The following SOX5 variants were observed in gnomAD, a reference collection of about 807,000 sequenced individuals.
The protein encoded by SOX5 is SRY-box transcription factor 5, also known as transcription factor SOX-5.
A neutral mutation model predicts 92.0 loss-of-function variants in SOX5; 9 were observed. The ratio of observed to expected loss-of-function variants is 0.10; its 90% CI spans 0.06 to 0.17. SOX5 has a LOEUF of 0.17. Ranked by LOEUF, SOX5 falls within the 10% of genes least tolerant of loss-of-function variation. The pLI, the probability that SOX5 is intolerant of heterozygous loss-of-function variation, is 1.00. For synonymous variants in SOX5, 344 were observed against 336.3 expected, an observed-to-expected ratio of 1.02 and a Z score of -0.25; for missense variants, 642 against 944.5, an observed-to-expected ratio of 0.68 and a Z score of 4.20.
At chr12:24,235,605 A>T (rs1019366206) in intron 3 of SOX5, among the ~76,000 whole-genome samples, 1 of 152,190 alleles carries the variant, frequency 6.6e-6, no homozygotes, top group Non-Finnish European at 1.5e-5. Flanking sequence ...CATAAATAAG[A>T]CCCAGAGGAA....
At chr12:23,685,772 G>A (rs2087448713) in intron 6 of SOX5, among the ~76,000 whole-genome samples, 1 of 152,050 alleles carries the variant, frequency 6.6e-6, no homozygotes, top group Non-Finnish European at 1.5e-5. Context: ...TGGACCCCAT[G>A]AGGTATTATC....
In SOX5 at chr12:23,533,350, T is replaced by G. The variant is rs1441129802; in HGVS notation, c.*869A>C. The G allele has an allele frequency of 4.0e-6, 1 of 247,346 alleles. No homozygotes were observed. The highest frequency in any genetic ancestry group is 8.5e-6 in the Non-Finnish European group (1 of 117,844). 15.3% of individuals were successfully genotyped at this position (247,346 alleles called of 1,614,324 possible). A position where few individuals can be genotyped will look rare whatever the true frequency, so the allele number is the denominator to read the frequency against. On this transcript the variant is annotated 3_prime_UTR_variant, in exon 15 of 15. Transcript: ENST00000451604. ...TCACCTGAGAACAGCACCTACAGTT[T>G]CCATTAAAAAAAAAAGTCAAATCTC...
At chr12:24,062,469 T>C (rs1324830591) in intron 4 of SOX5, among the ~76,000 whole-genome samples, 4 of 152,218 alleles carry the variant, frequency 2.6e-5, no homozygotes, top group Non-Finnish European at 4.4e-5. Flanking sequence ...TGTTTCTGTG[T>C]GACAGGGACT....
intron 8 of SOX5, among the ~76,000 whole-genome samples, chr12:23,611,924 TAA>T (rs71059910): frequency 1.1e-4 from 15 of 142,550 alleles, no homozygotes; most frequent in African/African-American, 2.8e-4. Context: ...CATTTTAAAT[TAA>T]AAAAAAAAAA....
chr12:24,475,974 C>A lies in SOX5; in HGVS notation c.-251+86355G>T, dbSNP rs79817745. 4.2e-4 allele frequency among the ~76,000 whole-genome samples: 62 copies of A among 148,994 alleles called. 2 individuals carry two copies. The East Asian group carries it at 0.012, about 29-fold the overall frequency. On this transcript the variant is annotated intron_variant, in intron 1 of 4. Transcript: ENST00000446891. The stretch of plus-strand genomic sequence containing the variant: ...TCTAGCCTGGATGACAGAGCAAGAC[C>A]CTGTCTCCGAAATACATTTAAAAAA...
chr12:24,145,746 A>C (rs1444808712), intron 4 of SOX5, among the ~76,000 whole-genome samples: 1 of 152,194 alleles, frequency 6.6e-6, no homozygotes, highest in African/African-American at 2.4e-5. Flanking sequence ...AGTGCAAGCA[A>C]TCTGCCTCCC....
intron 4 of SOX5, among the ~76,000 whole-genome samples, chr12:24,031,300 AAC>A (rs947412653): frequency 2.0e-5 from 3 of 151,982 alleles, no homozygotes; most frequent in African/African-American, 7.2e-5. Flanking sequence ...ATACAGAGTC[AAC>A]CTGTGTCCAG....
chr12:23,731,776 T>C (rs2093403199), intron 6 of SOX5, among the ~76,000 whole-genome samples: 1 of 152,224 alleles, frequency 6.6e-6, no homozygotes, highest in Admixed American at 6.5e-5. Context: ...TGTATTCATA[T>C]ATGAAACAAA....
intron 4 of SOX5, among the ~76,000 whole-genome samples, chr12:24,030,464 A>C (rs907224254): frequency 2.0e-5 from 3 of 151,962 alleles, no homozygotes; most frequent in Non-Finnish European, 4.4e-5. Flanking sequence ...TCTTCAATGA[A>C]TAGCACTGGG....
intron 2 of SOX5, among the ~76,000 whole-genome samples, chr12:24,282,400 A>G (rs1372432603): frequency 6.6e-6 from 1 of 151,046 alleles, no homozygotes; most frequent in Admixed American, 6.6e-5. Context: ...AAATAAATAA[A>G]AATCAATATT....
chr12:23,843,554 C>CTTTTTTTTTTTTT lies in SOX5; in HGVS notation c.481+2416_481+2428dup, dbSNP rs71059931. 8.3e-4 allele frequency among the ~76,000 whole-genome samples: 59 copies of CTTTTTTTTTTTTT among 71,332 alleles called. 19 individuals carry two copies. The East Asian group carries it at 0.018, about 22-fold the overall frequency. 46.8% of individuals were successfully genotyped at this position (71,332 alleles called of 152,430 possible). On this transcript the variant is annotated intron_variant, in intron 3 of 14. Coordinates refer to ENST00000451604, the MANE Select transcript of SOX5 (RefSeq NM_006940.6). Reference sequence around the variant, plus strand: ...TCAGAATATTTGACAGTCATTTCTCCTTTTTTTTTTTTTTTTTTTTTTTTT... The same window carrying CTTTTTTTTTTTTT: ...TCAGAATATTTGACAGTCATTTCTCCTTTTTTTTTTTTTTTTTTTTTTTTTTTTTTTTTTTTTT...
At chr12:24,205,348 G>A (rs1463214592) in intron 4 of SOX5, among the ~76,000 whole-genome samples, 2 of 152,082 alleles carry the variant, frequency 1.3e-5, no homozygotes, top group Non-Finnish European at 2.9e-5. Context: ...CATTTCCTGA[G>A]TGCTGCTTCT....
chr12:24,054,318 G>A (rs1401888065), intron 4 of SOX5, among the ~76,000 whole-genome samples: 1 of 152,124 alleles, frequency 6.6e-6, no homozygotes, highest in South Asian at 2.1e-4. Context: ...CTTCCTCAGA[G>A]AACAGTTTGA....
intron 1 of SOX5, among the ~76,000 whole-genome samples, chr12:24,499,398 A>C (rs78896558): frequency 0.023 from 3,549 of 152,348 alleles, 67 homozygotes; most frequent in Admixed American, 0.046. Flanking sequence ...ACTTTGAAAA[A>C]GATGTGGCAA....
At chr12:23,916,744 T>TA (rs2097421672) in intron 1 of SOX5, among the ~76,000 whole-genome samples, 1 of 152,204 alleles carries the variant, frequency 6.6e-6, no homozygotes, top group African/African-American at 2.4e-5. Context: ...CACAGGGAAT[T>TA]ATCAAGGAAT....
At chr12:23,573,983 AATAAT>A (rs1245982915) in intron 10 of SOX5, among the ~76,000 whole-genome samples, 1 of 151,694 alleles carries the variant, frequency 6.6e-6, no homozygotes, top group Non-Finnish European at 1.5e-5. Context: ...CACAGCAATA[AATAAT>A]ATATTAGTTA....
intron 1 of SOX5, among the ~76,000 whole-genome samples, chr12:24,405,050 C>T (rs1023556334): frequency 2.0e-5 from 3 of 152,106 alleles, no homozygotes; most frequent in Admixed American, 6.5e-5. Context: ...CGCCTGCAGC[C>T]GTCAGAAGGA....
intron 1 of SOX5, among the ~76,000 whole-genome samples, chr12:24,539,715 A>C (rs1334466126): frequency 6.6e-6 from 1 of 152,106 alleles, no homozygotes; most frequent in African/African-American, 2.4e-5. Context: ...CTACATATTT[A>C]AGAAGGAACA....
At chr12:24,316,959 T>C (rs1200554827) in intron 2 of SOX5, among the ~76,000 whole-genome samples, 2 of 152,174 alleles carry the variant, frequency 1.3e-5, no homozygotes, top group Non-Finnish European at 2.9e-5. Context: ...ATGGTAACCC[T>C]TTACCCAGGG....
Sources: gnomAD v4.1 joint callset for allele counts (sites outside exome capture counted in the v4.1 genomes callset) on GRCh38, gnomAD v4.1.1 for gene constraint, MANE v1.5 for transcripts, NCBI Gene and HGNC (gene_info 2026-07-23, HGNC 2026-07-21) for gene names.